PRKG1: variants seen among roughly 807,000 people sequenced by gnomAD.
PRKG1 encodes the protein protein kinase cGMP-dependent 1.
PRKG1 carries 35 observed loss-of-function variants against 88.1 expected under a neutral mutation model. That is an observed-to-expected ratio of 0.40 (90% CI 0.30 to 0.53). The LOEUF (loss-of-function observed/expected upper bound fraction) is 0.53, where lower values mean the gene tolerates loss of function less well. Among genes scored for constraint, PRKG1 ranks in the 20% least tolerant of loss-of-function variants. The pLI, the probability that PRKG1 is intolerant of heterozygous loss-of-function variation, is 0.59. For missense variants in PRKG1, 540 were observed against 839.8 expected, an observed-to-expected ratio of 0.64 and a Z score of 4.41; for synonymous variants, 303 against 292.5, an observed-to-expected ratio of 1.04 and a Z score of -0.37.
At chr10:51,363,255 A>C (rs1215313484) in intron 2 of PRKG1, among the ~76,000 whole-genome samples, 4 of 151,818 alleles carry the variant, frequency 2.6e-5, no homozygotes, top group Non-Finnish European at 5.9e-5. Context: ...TCAAAAGTAG[A>C]TTGAGTAAAA....
chr10:52,281,329 C>T (rs1300606986), intron 13 of PRKG1, among the ~76,000 whole-genome samples: 1 of 152,004 alleles, frequency 6.6e-6, no homozygotes, highest in East Asian at 1.9e-4. Context: ...AAAAAATGTG[C>T]TTTACAGGCA....
intron 2 of PRKG1, among the ~76,000 whole-genome samples, chr10:51,447,903 A>G (rs1839321956): frequency 6.6e-6 from 1 of 152,098 alleles, no homozygotes; most frequent in Non-Finnish European, 1.5e-5. Context: ...ATAAAACTCA[A>G]AATTACAAAT....
intron 5 of PRKG1, among the ~76,000 whole-genome samples, chr10:52,043,277 T>C (rs1390148633): frequency 1.3e-5 from 2 of 152,128 alleles, no homozygotes; most frequent in Non-Finnish European, 2.9e-5. Flanking sequence ...TCGGTGTTTA[T>C]TGCAGCACTA....
chr10:51,489,357 T>G (rs1840643103), intron 3 of PRKG1, among the ~76,000 whole-genome samples: 1 of 152,194 alleles, frequency 6.6e-6, no homozygotes, highest in South Asian at 2.1e-4. Flanking sequence ...ATTTTGGGAT[T>G]TGAAGACCCC....
chr10:52,237,043 A>G (rs74975386), intron 9 of PRKG1, among the ~76,000 whole-genome samples: 1 of 48,402 alleles, frequency 2.1e-5, no homozygotes, highest in African/African-American at 4.8e-5. Context: ...AATCCAGCAT[A>G]TAAACAGAGC....
At chr10:51,397,728 A>C (rs1429679116) in intron 2 of PRKG1, among the ~76,000 whole-genome samples, 1 of 152,232 alleles carries the variant, frequency 6.6e-6, no homozygotes, top group East Asian at 1.9e-4. Flanking sequence ...GCAGTTATCA[A>C]GTTCCTTTTT....
At chr10:51,394,815 G>A (rs115225669) in intron 2 of PRKG1, among the ~76,000 whole-genome samples, 1 of 152,140 alleles carries the variant, frequency 6.6e-6, no homozygotes, top group African/African-American at 2.4e-5. Flanking sequence ...TATCAATCAA[G>A]GGCTCAAACC....
intron 7 of PRKG1, among the ~76,000 whole-genome samples, chr10:52,074,419 T>C (rs1846581534): frequency 6.6e-6 from 1 of 152,170 alleles, no homozygotes; most frequent in African/African-American, 2.4e-5. Flanking sequence ...TCATTTTCCG[T>C]GGTGGAAATT....
In PRKG1 at chr10:51,895,955, A is replaced by G. The variant is rs1007937816; in HGVS notation, c.699-11552A>G. Reference sequence around the variant, plus strand: ...TCTGTGCACACAAAAGCAGAGAGCCATTGGACTCCAAGGGCCCCTTGTGAC... The same window carrying G: ...TCTGTGCACACAAAAGCAGAGAGCCGTTGGACTCCAAGGGCCCCTTGTGAC... On this transcript the variant is annotated intron_variant, in intron 4 of 17. Transcript: ENST00000373980. Among the ~76,000 whole-genome samples the G allele has an allele frequency of 8.5e-5, 13 of 152,088 alleles. No individual in the cohort carries two copies. The East Asian group carries it at 2.1e-3, about 25-fold the overall frequency.
intron 5 of PRKG1, among the ~76,000 whole-genome samples, chr10:51,923,082 A>G (rs991123750): frequency 6.6e-6 from 1 of 151,982 alleles, no homozygotes; most frequent in African/African-American, 2.4e-5. Context: ...CTCTGTCGTT[A>G]GGTTTATGCA....
intron 3 of PRKG1, among the ~76,000 whole-genome samples, chr10:51,757,635 G>A (rs892278305): frequency 6.6e-6 from 1 of 152,062 alleles, no homozygotes; most frequent in Non-Finnish European, 1.5e-5. Flanking sequence ...CACTTGAAAT[G>A]TGACTAGTCT....
At chr10:51,776,095 G>A (rs978007348) in intron 3 of PRKG1, among the ~76,000 whole-genome samples, 9 of 152,016 alleles carry the variant, frequency 5.9e-5, no homozygotes, top group Non-Finnish European at 4.4e-5. Context: ...CTATTTCAGT[G>A]GGTTGTGAGC....
rs533896624 is a variant in PRKG1, at chr10:51,320,974, T to C, written c.479-146749T>C. Reference sequence around the variant, plus strand: ...CACTGCACCTTATTTGTAACTTGACTGCATTTTCTAGGAAGCAGATAAGGT... The same window carrying C: ...CACTGCACCTTATTTGTAACTTGACCGCATTTTCTAGGAAGCAGATAAGGT... On this transcript the variant is annotated intron_variant, in intron 2 of 17. Transcript: ENST00000373980. Among the ~76,000 whole-genome samples, 5 of 152,298 alleles carry C rather than the reference T, an allele frequency of 3.3e-5. No homozygotes were observed. The South Asian group carries it at 8.3e-4, about 25-fold the overall frequency.
chr10:51,924,337 T>G (rs191023874), intron 5 of PRKG1, among the ~76,000 whole-genome samples: 1 of 152,302 alleles, frequency 6.6e-6, no homozygotes, highest in African/African-American at 2.4e-5. Context: ...CTTTTTTCTC[T>G]CAACACTTTA....
intron 4 of PRKG1, among the ~76,000 whole-genome samples, chr10:51,862,477 C>G (rs1034854101): frequency 6.6e-6 from 1 of 152,238 alleles, no homozygotes; most frequent in African/African-American, 2.4e-5. Context: ...CTCTTTACAA[C>G]AAGAGGGGAC....
intron 4 of PRKG1, among the ~76,000 whole-genome samples, chr10:51,890,782 C>A (rs1272761403): frequency 2.0e-5 from 3 of 152,114 alleles, no homozygotes; most frequent in Admixed American, 1.3e-4. Flanking sequence ...ATGGGGAAAC[C>A]CCTTCTCTAC....
intron 7 of PRKG1, among the ~76,000 whole-genome samples, chr10:52,087,414 C>G (rs1554802169): frequency 6.6e-6 from 1 of 152,012 alleles, no homozygotes; most frequent in Non-Finnish European, 1.5e-5. Flanking sequence ...GAAAATTTAT[C>G]TTTTTTTGAG....
intron 7 of PRKG1, among the ~76,000 whole-genome samples, chr10:52,078,419 C>A (rs186308088): frequency 2.0e-5 from 3 of 152,132 alleles, no homozygotes; most frequent in African/African-American, 7.2e-5. Context: ...TTTGAGATTG[C>A]GGAAAATAAT....
chr10:51,777,336 C>T (rs1220557182), intron 3 of PRKG1, among the ~76,000 whole-genome samples: 2 of 152,008 alleles, frequency 1.3e-5, no homozygotes, highest in Non-Finnish European at 1.5e-5. Context: ...ACTGGAAATA[C>T]CCTTCACCCT....
Sources: gnomAD v4.1 joint callset for allele counts (sites outside exome capture counted in the v4.1 genomes callset) on GRCh38, gnomAD v4.1.1 for gene constraint, MANE v1.5 for transcripts, NCBI Gene and HGNC (gene_info 2026-07-23, HGNC 2026-07-21) for gene names.